The following PTPRJ variants were observed in gnomAD, a reference collection of about 807,000 sequenced individuals.
PTPRJ encodes protein tyrosine phosphatase receptor type J.
A neutral mutation model predicts 141.3 loss-of-function variants in PTPRJ; 129 were observed. The ratio of observed to expected loss-of-function variants is 0.91; its 90% CI spans 0.79 to 1.06. The LOEUF (loss-of-function observed/expected upper bound fraction) is 1.06, where lower values mean the gene tolerates loss of function less well. Among genes scored for constraint, PTPRJ ranks in the 50% least tolerant of loss-of-function variants. The pLI, the probability that PTPRJ is intolerant of heterozygous loss-of-function variation, is 0.00. For synonymous variants in PTPRJ, 610 were observed against 640.5 expected (o/e 0.95, Z 0.72); for missense variants, 1,601 against 1,679.7 (o/e 0.95, Z 0.82).
chr11:48,070,153 C>G (rs1855208099), intron 1 of PTPRJ, among the ~76,000 whole-genome samples: 1 of 152,116 alleles, frequency 6.6e-6, no homozygotes, highest in African/African-American at 2.4e-5. Context: ...TTAGGGGCTA[C>G]CTGTATGGAA....
intron 1 of PTPRJ, among the ~76,000 whole-genome samples, chr11:48,107,933 A>G (rs1474127388): frequency 6.6e-6 from 1 of 152,142 alleles, no homozygotes; most frequent in Non-Finnish European, 1.5e-5. Flanking sequence ...GAAATAAAAA[A>G]ATTAGCTGGG....
chr11:48,102,658 C>G (rs141667996), intron 1 of PTPRJ, among the ~76,000 whole-genome samples: 1 of 152,142 alleles, frequency 6.6e-6, no homozygotes, highest in Non-Finnish European at 1.5e-5. Flanking sequence ...CTCAGGTGAT[C>G]CACCTGCCTC....
At chr11:48,114,871 G>A (rs934420103) in intron 3 of PTPRJ, among the ~76,000 whole-genome samples, 23 of 152,252 alleles carry the variant, frequency 1.5e-4, no homozygotes, top group African/African-American at 5.1e-4. Context: ...TAACAGAGAA[G>A]CAAACAGAAA....
intron 19 of PTPRJ, among the ~76,000 whole-genome samples, 167 bp from the exon 20 acceptor site, chr11:48,155,634 A>G (rs1857580679): frequency 6.6e-6 from 1 of 152,150 alleles, no homozygotes; most frequent in Non-Finnish European, 1.5e-5. Context: ...ATATAGAGTG[A>G]CCATGAGGAT....
At chr11:48,072,951 G>T (rs909343632) in intron 1 of PTPRJ, among the ~76,000 whole-genome samples, 1 of 152,190 alleles carries the variant, frequency 6.6e-6, no homozygotes, top group Admixed American at 6.5e-5. Flanking sequence ...TAAAAAAATA[G>T]ATAATAGTAT....
At chr11:48,132,459 C>T (rs1857004691) in intron 8 of PTPRJ, 1 of 982,938 alleles carries the variant, frequency 1.0e-6, no homozygotes, top group Non-Finnish European at 1.2e-6. Context: ...GAGTAATGTT[C>T]ATTATTGTTG....
At chr11:48,055,148 T>C (rs1489517330) in intron 1 of PTPRJ, among the ~76,000 whole-genome samples, 1 of 152,032 alleles carries the variant, frequency 6.6e-6, no homozygotes, top group Non-Finnish European at 1.5e-5. Context: ...ATTGCGCCAC[T>C]GCACTCCAGT....
chr11:48,095,357 C>G (rs1484237842), intron 1 of PTPRJ, among the ~76,000 whole-genome samples: 2 of 152,166 alleles, frequency 1.3e-5, no homozygotes, highest in East Asian at 3.8e-4. Flanking sequence ...AAGAGAGCAA[C>G]TCTTTCTGTA....
chr11:48,147,093 C>A, intron 15 of PTPRJ, 130 bp downstream of exon 15: 1 of 815,792 alleles, frequency 1.2e-6, no homozygotes, highest in Non-Finnish European at 2.1e-6. Context: ...CCATAGTGTT[C>A]TGCATTTGGC....
At chr11:48,003,074 G>A (rs1025160612) in intron 1 of PTPRJ, among the ~76,000 whole-genome samples, 10 of 152,128 alleles carry the variant, frequency 6.6e-5, no homozygotes, top group Non-Finnish European at 1.2e-4. Context: ...AGCAGGGACC[G>A]TTTCAGGTCC....
Position 48,001,383 on chromosome 11 carries a change from T to C in PTPRJ, c.96+20375T>C, listed in dbSNP as rs1242205663. 3.3e-5 allele frequency among the ~76,000 whole-genome samples: 5 copies of C among 151,372 alleles called. No homozygotes were observed. In the East Asian group the frequency reaches 7.8e-4, roughly 23 times the overall value. ...GTGTGTGTGTGTGTGTGTGTGTGTGTGTGTGTGTGTTTGGGGTGGGGATCA... is the reference window on the plus strand; with the variant it reads ...GTGTGTGTGTGTGTGTGTGTGTGTGCGTGTGTGTGTTTGGGGTGGGGATCA... On this transcript the variant is annotated intron_variant, in intron 1 of 24. Coordinates refer to ENST00000418331, the MANE Select transcript of PTPRJ (RefSeq NM_002843.4).
chr11:47,996,514 A>C (rs1268973425), intron 1 of PTPRJ, among the ~76,000 whole-genome samples: 1 of 152,142 alleles, frequency 6.6e-6, no homozygotes, highest in Non-Finnish European at 1.5e-5. Flanking sequence ...TGGAAATGTC[A>C]CTGCATCTGT....
At chr11:48,146,817 C>A in intron 14 of PTPRJ, 59 bp from the exon 15 acceptor site, 1 of 1,436,220 alleles carries the variant, frequency 7.0e-7, no homozygotes, top group South Asian at 1.1e-5. Context: ...CAGTTTTTAG[C>A]ACATTGTGTG....
At chr11:48,162,871 T>A (rs187871093) in intron 22 of PTPRJ, among the ~76,000 whole-genome samples, 1 of 152,148 alleles carries the variant, frequency 6.6e-6, no homozygotes, top group Non-Finnish European at 1.5e-5. Flanking sequence ...GATGGTTTTT[T>A]GGGGGAGTCC....
intron 3 of PTPRJ, among the ~76,000 whole-genome samples, chr11:48,116,609 G>C (rs1856572833): frequency 6.6e-6 from 1 of 152,172 alleles, no homozygotes. Flanking sequence ...CCATCCAACA[G>C]CTGTAGAATA....
intron 6 of PTPRJ, among the ~76,000 whole-genome samples, chr11:48,126,817 C>CACACACACACAT (rs1252731987): frequency 4.5e-4 from 66 of 146,602 alleles, no homozygotes; most frequent in African/African-American, 1.6e-3. Flanking sequence ...CACACACACA[C>CACACACACACAT]ACAGATAAAC....
chr11:48,013,748 G>A (rs768403950), intron 1 of PTPRJ, among the ~76,000 whole-genome samples: 1 of 152,124 alleles, frequency 6.6e-6, no homozygotes, highest in African/African-American at 2.4e-5. Context: ...GAGCCAAGCA[G>A]AACCATGTGA....
At chr11:48,014,516 T>G (rs1854901709) in intron 1 of PTPRJ, 1 of 152,216 alleles carries the variant, frequency 6.6e-6, no homozygotes, top group South Asian at 2.1e-4. Context: ...TGCTAGTGAC[T>G]GCTCCAGGTG....
intron 21 of PTPRJ, among the ~76,000 whole-genome samples, chr11:48,156,540 G>C (rs1337185124): frequency 1.3e-5 from 2 of 148,838 alleles, no homozygotes; most frequent in African/African-American, 5.0e-5. Context: ...TTCAAATTTA[G>C]GTTGAGCACT....
Sources: allele counts gnomAD v4.1 joint callset (sites outside exome capture counted in the v4.1 genomes callset), GRCh38; gene constraint gnomAD v4.1.1; transcripts MANE v1.5; gene names NCBI Gene and HGNC (gene_info 2026-07-23, HGNC 2026-07-21).